The following KALRN variants were observed in gnomAD, a reference collection of about 807,000 sequenced individuals.
KALRN encodes kalirin.
KALRN carries 70 observed loss-of-function variants against 353.7 expected under a neutral mutation model. The observed-to-expected ratio is 0.20, with a 90% confidence interval of 0.16 to 0.24. The LOEUF (loss-of-function observed/expected upper bound fraction) is 0.24. KALRN is among the 10% of genes least tolerant of loss of function. The pLI is 1.00. For synonymous variants in KALRN, 1,391 were observed against 1,434.8 expected, an observed-to-expected ratio of 0.97 and a Z score of 0.69; for missense variants, 2,791 against 3,756.7, an observed-to-expected ratio of 0.74 and a Z score of 6.72.
intron 21 of KALRN, among the ~76,000 whole-genome samples, chr3:124,449,093 C>A (rs571442675): frequency 1.3e-5 from 2 of 152,276 alleles, no homozygotes; most frequent in East Asian, 3.9e-4. Flanking sequence ...CACCCTAATC[C>A]CACTTTCCAG....
intron 37 of KALRN, among the ~76,000 whole-genome samples, chr3:124,646,684 C>T (rs1254923989): frequency 1.5e-5 from 2 of 135,760 alleles, no homozygotes; most frequent in African/African-American, 5.7e-5. Flanking sequence ...AGCCACTGCG[C>T]CCGGCCTCTT....
intron 34 of KALRN, among the ~76,000 whole-genome samples, chr3:124,630,428 C>T (rs916463645): frequency 2.7e-5 from 4 of 150,700 alleles, no homozygotes; most frequent in Non-Finnish European, 4.4e-5. Context: ...ATGGAGTCTC[C>T]CTCTGTCACC....
intron 1 of KALRN, among the ~76,000 whole-genome samples, chr3:124,141,937 C>T (rs1485011245): frequency 6.6e-6 from 1 of 152,204 alleles, no homozygotes; most frequent in Non-Finnish European, 1.5e-5. Context: ...TGAATCCCAG[C>T]TCTGCTGTGT....
chr3:124,711,646 C>A (rs2062893135), intron 57 of KALRN, among the ~76,000 whole-genome samples: 1 of 152,140 alleles, frequency 6.6e-6, no homozygotes, highest in Non-Finnish European at 1.5e-5. Context: ...GGGAACCATT[C>A]TATTTCAGGG....
At chr3:124,264,467 G>A in intron 3 of KALRN, 31 bp from the exon 4 acceptor site, 3 of 1,603,976 alleles carry the variant, frequency 1.9e-6, no homozygotes, top group East Asian at 4.5e-5. Flanking sequence ...GCTACCCAGA[G>A]TGACCATACC....
At chr3:124,543,564 G>A (rs2069293434) in intron 33 of KALRN, among the ~76,000 whole-genome samples, 1 of 152,086 alleles carries the variant, frequency 6.6e-6, no homozygotes, top group Admixed American at 6.5e-5. Flanking sequence ...GCCTCCCAAA[G>A]TGCTGGGATT....
intron 1 of KALRN, among the ~76,000 whole-genome samples, chr3:124,194,467 G>A (rs951914065): frequency 4.0e-5 from 6 of 151,024 alleles, no homozygotes; most frequent in Admixed American, 2.0e-4. Context: ...TGGTGGTAGT[G>A]ATAGAACTAC....
chr3:124,445,616 GA>G (rs2093811251), intron 19 of KALRN, among the ~76,000 whole-genome samples: 3 of 152,196 alleles, frequency 2.0e-5, no homozygotes, highest in African/African-American at 7.2e-5. Context: ...CCACTATTTA[GA>G]AGTGTTTAGA....
chr3:124,352,233 T>A (rs1172543947), intron 10 of KALRN, among the ~76,000 whole-genome samples: 3 of 152,214 alleles, frequency 2.0e-5, no homozygotes, highest in Admixed American at 6.5e-5. Context: ...TTCCTGCCCA[T>A]AATAGGATGG....
At chr3:124,474,920 G>A (rs978127903) in intron 26 of KALRN, among the ~76,000 whole-genome samples, 188 bp downstream of exon 26, 3 of 152,196 alleles carry the variant, frequency 2.0e-5, no homozygotes, top group Non-Finnish European at 2.9e-5. Context: ...ATCTTAAGCT[G>A]TCTAAGAACT....
rs2062964118 is a variant in KALRN at position 124,712,933 on chromosome 3, A to G, written c.8076-2A>G. Reference sequence around the variant, plus strand: ...GGCAAACTCTCCCTTTTGTTTTTCCAGAGGCCGTTTCTCTATAGTAAAGAA... The same window carrying G: ...GGCAAACTCTCCCTTTTGTTTTTCCGGAGGCCGTTTCTCTATAGTAAAGAA... On this transcript the variant is annotated splice_acceptor_variant, in intron 57 of 59. Coordinates refer to ENST00000682506, the MANE Select transcript of KALRN (RefSeq NM_001388419.1). LOFTEE classifies it high-confidence loss of function. 1 of 1,607,386 alleles carries G rather than the reference A, an allele frequency of 6.2e-7. No homozygotes were observed. Among genetic ancestry groups the G allele is most frequent in the Non-Finnish European group, 8.5e-7 (1 of 1,176,268 alleles).
chr3:124,041,629 G>A (rs977450955), intron 1 of KALRN, among the ~76,000 whole-genome samples: 5 of 152,258 alleles, frequency 3.3e-5, no homozygotes, highest in East Asian at 1.9e-4. Context: ...CACGTGGCTC[G>A]ATCCATGTGG....
At chr3:124,378,615 T>C (rs2086898497) in intron 10 of KALRN, among the ~76,000 whole-genome samples, 1 of 152,114 alleles carries the variant, frequency 6.6e-6, no homozygotes, top group Non-Finnish European at 1.5e-5. Context: ...TCTTTGTATA[T>C]CTGAAAAAGT....
intron 1 of KALRN, among the ~76,000 whole-genome samples, chr3:124,060,810 T>C (rs2041937911): frequency 6.6e-6 from 1 of 152,090 alleles, no homozygotes; most frequent in African/African-American, 2.4e-5. Flanking sequence ...CCTGGAGACA[T>C]TGTGGGGTGT....
chr3:124,496,184 T>C (rs80242847), intron 32 of KALRN, 127 bp from the exon 33 acceptor site: 10,745 of 667,034 alleles, frequency 0.016, 119 homozygotes, highest in Non-Finnish European at 0.022. Flanking sequence ...AGGATAATTT[T>C]AGACAAATCC....
chr3:124,557,961 G>C (rs534855848), intron 33 of KALRN, among the ~76,000 whole-genome samples: 1 of 152,278 alleles, frequency 6.6e-6, no homozygotes, highest in African/African-American at 2.4e-5. Context: ...GAAGAGGCAA[G>C]AGTGAATCCT....
At chr3:124,162,003 A>G (rs2070041192) in intron 1 of KALRN, among the ~76,000 whole-genome samples, 2 of 152,226 alleles carry the variant, frequency 1.3e-5, no homozygotes, top group Admixed American at 1.3e-4. Flanking sequence ...CCTCTAAATC[A>G]TCCCAGAAAA....
At chr3:124,348,308 T>C (rs1474335723) in intron 10 of KALRN, among the ~76,000 whole-genome samples, 1 of 152,202 alleles carries the variant, frequency 6.6e-6, no homozygotes, top group Non-Finnish European at 1.5e-5. Context: ...CTTTGGGCAT[T>C]GTACAGAGCC....
chr3:124,601,705 T>A (rs1275227974), intron 34 of KALRN, among the ~76,000 whole-genome samples: 2 of 104,140 alleles, frequency 1.9e-5, no homozygotes, highest in Admixed American at 1.0e-4. Context: ...TCTGCTATGC[T>A]GTGGTAAATA....
Sources: allele counts gnomAD v4.1 joint callset (sites outside exome capture counted in the v4.1 genomes callset), GRCh38; gene constraint gnomAD v4.1.1; transcripts MANE v1.5; gene names NCBI Gene and HGNC (gene_info 2026-07-23, HGNC 2026-07-21).